IL1RAPL2: variants seen among roughly 807,000 people sequenced by gnomAD.
The protein encoded by IL1RAPL2 is X-linked interleukin-1 receptor accessory protein-like 2.
Under a neutral mutation model 44.1 loss-of-function variants are expected in IL1RAPL2, and 3 were observed. The observed-to-expected ratio is 0.07, with a 90% CI of 0.03 to 0.18. The LOEUF is 0.18. Ranked by LOEUF, IL1RAPL2 falls within the 10% of genes least tolerant of loss-of-function variation. The pLI, the probability that IL1RAPL2 is intolerant of heterozygous loss-of-function variation, is 1.00. For synonymous variants in IL1RAPL2, 181 were observed against 178.8 expected (o/e 1.01, Z -0.10); for missense variants, 391 against 496.4 (o/e 0.79, Z 2.02).
At chrX:104,802,427 T>C (rs2147613995) in intron 2 of IL1RAPL2, among the ~76,000 whole-genome samples, 1 of 110,679 alleles carries the variant, frequency 9.0e-6, no homozygotes, top group East Asian at 2.8e-4. Flanking sequence ...AAATATGCAT[T>C]GTAAAACTGG....
At chrX:105,451,906 A>G (rs2036022064) in intron 5 of IL1RAPL2, among the ~76,000 whole-genome samples, 3 of 111,398 alleles carry the variant, frequency 2.7e-5, no homozygotes, top group African/African-American at 6.5e-5. Flanking sequence ...ACTTATAATT[A>G]TGAACTTATA....
chrX:104,998,654 T>C (rs2030793011), intron 2 of IL1RAPL2, among the ~76,000 whole-genome samples: 1 of 110,450 alleles, frequency 9.1e-6, no homozygotes, highest in African/African-American at 3.3e-5. Flanking sequence ...ACACCTATAG[T>C]CCCAGCTGCT....
rs768951658 is a variant in IL1RAPL2, at chrX:105,530,870, CATA to C, written c.772+46486_772+46488del. Among the ~76,000 whole-genome samples, 15 of 110,868 alleles carry C rather than the reference CATA, an allele frequency of 1.4e-4. No homozygotes were observed. The East Asian group carries it at 4.3e-3, about 31-fold the overall frequency. On this transcript the variant is annotated intron_variant, in intron 6 of 10. Transcript: ENST00000372582. ...TCTGTGTCTGGCTTATTTCACTTAA[CATA>C]ATGATATTCAGTTCCATCCATGTTG...
At chrX:105,429,108 A>T (rs2035830679) in intron 5 of IL1RAPL2, among the ~76,000 whole-genome samples, 1 of 111,965 alleles carries the variant, frequency 8.9e-6, no homozygotes, top group African/African-American at 3.2e-5. Flanking sequence ...TACACTAAAT[A>T]TTTTAACAAA....
At chrX:105,333,553 A>T (rs1291618013) in intron 5 of IL1RAPL2, among the ~76,000 whole-genome samples, 1 of 111,851 alleles carries the variant, frequency 8.9e-6, no homozygotes, top group African/African-American at 3.2e-5. Flanking sequence ...ATGGCAAAGG[A>T]AACAACCAAC....
intron 2 of IL1RAPL2, among the ~76,000 whole-genome samples, chrX:104,673,755 G>T (rs1602673470): frequency 9.3e-6 from 1 of 107,961 alleles, no homozygotes. Context: ...CCATTTGTTT[G>T]TATCCTCTTT....
At chrX:105,564,036 C>A (rs1330811664) in intron 6 of IL1RAPL2, among the ~76,000 whole-genome samples, 5 of 111,402 alleles carry the variant, frequency 4.5e-5, no homozygotes, top group African/African-American at 1.6e-4. Context: ...GATCAAGGCA[C>A]CAACAGATTG....
chrX:104,916,408 T>C (rs1297863411), intron 2 of IL1RAPL2, among the ~76,000 whole-genome samples: 9 of 111,849 alleles, frequency 8.0e-5, no homozygotes, highest in Admixed American at 3.8e-4. Flanking sequence ...GTGATTTTTG[T>C]ACATTGATTT....
chrX:104,954,864 G>A (rs1925673606), intron 2 of IL1RAPL2, among the ~76,000 whole-genome samples: 1 of 113,101 alleles, frequency 8.8e-6, no homozygotes, highest in African/African-American at 3.2e-5. Flanking sequence ...ATTCAAAAAT[G>A]AGCCTGTGGT....
chrX:104,698,212 A>C (rs909354560), intron 2 of IL1RAPL2, among the ~76,000 whole-genome samples: 2 of 112,632 alleles, frequency 1.8e-5, no homozygotes, highest in Non-Finnish European at 3.8e-5. Flanking sequence ...GCAAGACAGA[A>C]ATCAGTATTT....
intron 5 of IL1RAPL2, among the ~76,000 whole-genome samples, chrX:105,475,123 G>A (rs893761644): frequency 2.7e-5 from 3 of 111,772 alleles, no homozygotes; most frequent in Non-Finnish European, 3.8e-5. Flanking sequence ...AAAAGGGCTT[G>A]GCATGAAATC....
intron 6 of IL1RAPL2, among the ~76,000 whole-genome samples, chrX:105,660,639 TTAAAGTG>T (rs2037713144): frequency 9.0e-6 from 1 of 111,456 alleles, no homozygotes; most frequent in African/African-American, 3.3e-5. Flanking sequence ...AGGGACACAG[TTAAAGTG>T]TAGAGTTTTT....
chrX:104,696,103 C>T (rs1931178348), intron 2 of IL1RAPL2, among the ~76,000 whole-genome samples: 2 of 112,015 alleles, frequency 1.8e-5, no homozygotes, highest in African/African-American at 6.5e-5. Flanking sequence ...CCACTGCGCC[C>T]AGCAAAGTAG....
intron 5 of IL1RAPL2, among the ~76,000 whole-genome samples, chrX:105,370,842 A>C (rs778268856): frequency 8.9e-6 from 1 of 112,105 alleles, no homozygotes; most frequent in African/African-American, 3.2e-5. Flanking sequence ...TCCACGTGGG[A>C]TTTACATTCC....
intron 2 of IL1RAPL2, among the ~76,000 whole-genome samples, chrX:105,151,286 A>G (rs955538723): frequency 9.0e-6 from 1 of 111,387 alleles, no homozygotes; most frequent in African/African-American, 3.3e-5. Flanking sequence ...TATTTTTAGT[A>G]AAATTACTAC....
chrX:104,729,653 C>A (rs1393641368), intron 2 of IL1RAPL2, among the ~76,000 whole-genome samples: 2 of 108,878 alleles, frequency 1.8e-5, no homozygotes, highest in Non-Finnish European at 3.8e-5. Flanking sequence ...TCTTATCCCT[C>A]CTCACACTCT....
At chrX:104,999,421 A>C (rs1346736505) in intron 2 of IL1RAPL2, among the ~76,000 whole-genome samples, 1 of 111,339 alleles carries the variant, frequency 9.0e-6, no homozygotes, top group Non-Finnish European at 1.9e-5. Context: ...GTGTAGGAAC[A>C]TCTCTAGGCA....
intron 5 of IL1RAPL2, chrX:105,405,548 G>C: frequency 1.8e-6 from 1 of 552,106 alleles, no homozygotes; most frequent in East Asian, 3.4e-5. Context: ...AGGCGAATCC[G>C]AGTGGGTGGA....
chrX:104,734,180 T>C (rs1413943829), intron 2 of IL1RAPL2, among the ~76,000 whole-genome samples: 2 of 112,283 alleles, frequency 1.8e-5, no homozygotes, highest in African/African-American at 6.5e-5. Flanking sequence ...GTAGCTGAAA[T>C]TTGCATACAT....
Sources: gnomAD v4.1 joint callset for allele counts (sites outside exome capture counted in the v4.1 genomes callset) on GRCh38, gnomAD v4.1.1 for gene constraint, MANE v1.5 for transcripts, NCBI Gene and HGNC (gene_info 2026-07-23, HGNC 2026-07-21) for gene names.